ZNF91: variants seen among roughly 807,000 people sequenced by gnomAD.
The protein encoded by ZNF91 is zinc finger protein 91, also known as zinc finger protein 91 (HPF7, HTF10).
In ZNF91, 7 loss-of-function variants were observed where a neutral mutation model predicts 12.6. The observed-to-expected ratio is 0.55, with a 90% CI of 0.31 to 1.04. The LOEUF (loss-of-function observed/expected upper bound fraction) is 1.04. Among genes scored for constraint, ZNF91 ranks in the 50% least tolerant of loss-of-function variants. ZNF91 has a pLI of 0.05. For synonymous variants in ZNF91, 453 were observed against 462.6 expected (o/e 0.98, Z 0.27); for missense variants, 1,217 against 1,385.4 (o/e 0.88, Z 1.93).
intron 1 of ZNF91, among the ~76,000 whole-genome samples, chr19:23,329,901 C>G (rs1347212753): frequency 6.6e-6 from 1 of 152,182 alleles, no homozygotes; most frequent in Non-Finnish European, 1.5e-5. Flanking sequence ...AGGCATGCCT[C>G]AACTACTCAG....
rs541451304 is a variant in ZNF91 at position 23,395,442 on chromosome 19, G to C, written c.-88C>G. The C allele has an allele frequency of 1.8e-4, 267 of 1,516,678 alleles. 1 individual carries two copies. In the South Asian group the frequency reaches 2.0e-3, roughly 11 times the overall value. The allele number at this position is 1,516,678 out of a possible 1,614,324, so 94.0% of individuals were successfully genotyped here. A position where few individuals can be genotyped will look rare whatever the true frequency, so the allele number is the denominator to read the frequency against. On this transcript the variant is annotated 5_prime_UTR_variant, in exon 1 of 4. Transcript: ENST00000300619. ...AGAGGACACAGAGCAGTGAAGTCGA[G>C]ACCTGGAAACTCCGGCGGCAGCGAG... is the stretch of plus-strand genomic sequence containing the variant.
chr19:23,377,561 C>G (rs1969548816), intron 1 of ZNF91, among the ~76,000 whole-genome samples: 1 of 152,142 alleles, frequency 6.6e-6, no homozygotes, highest in African/African-American at 2.4e-5. Flanking sequence ...ATGTCACTCT[C>G]TCTGGTCTCA....
chr19:23,365,982 C>T (rs544484044), intron 3 of ZNF91, among the ~76,000 whole-genome samples: 1 of 152,254 alleles, frequency 6.6e-6, no homozygotes, highest in Non-Finnish European at 1.5e-5. Context: ...TACACAGACA[C>T]AGCAACCATC....
chr19:23,319,229 T>C (rs1479076616), intron 1 of ZNF91, among the ~76,000 whole-genome samples: 1 of 152,204 alleles, frequency 6.6e-6, no homozygotes, highest in African/African-American at 2.4e-5. Flanking sequence ...ACATAGGTAA[T>C]GTTACTCTTT....
chr19:23,392,197 A>G (rs979476772), intron 1 of ZNF91, among the ~76,000 whole-genome samples: 11 of 151,762 alleles, frequency 7.2e-5, no homozygotes, highest in Non-Finnish European at 1.6e-4. Context: ...GGAGTTCGAG[A>G]CCAGCCTGGC....
chr19:23,335,092 A>C (rs1208185802), downstream of ZNF91, among the ~76,000 whole-genome samples: 1 of 152,070 alleles, frequency 6.6e-6, no homozygotes, highest in Non-Finnish European at 1.5e-5. Context: ...CTGGAGGTCC[A>C]CTCCAGACTC....
At chr19:23,366,352 T>C (rs1251147627) in intron 3 of ZNF91, among the ~76,000 whole-genome samples, 1 of 152,210 alleles carries the variant, frequency 6.6e-6, no homozygotes, top group Non-Finnish European at 1.5e-5. Context: ...AGATCTTCTA[T>C]AGAATATTTA....
intron 3 of ZNF91, among the ~76,000 whole-genome samples, chr19:23,342,547 T>C (rs1968146141): frequency 6.6e-6 from 1 of 152,170 alleles, no homozygotes; most frequent in South Asian, 2.1e-4. Flanking sequence ...ATCATTAATC[T>C]AGAGTGAAGG....
chr19:23,359,610 T>C lies in ZNF91; in HGVS notation c.3369A>G (p.Lys1123=), dbSNP rs775192302. 2 of 1,614,018 alleles carry C rather than the reference T, an allele frequency of 1.2e-6. No individual in the cohort carries two copies. Among genetic ancestry groups the C allele is most frequent in the South Asian group, 1.1e-5 (1 of 91,060 alleles). ...KAFKESSALT[K]HKIIHTGEKP... is the part of the protein sequence containing the mutation. ...TCTCTCCAGTGTGAATTATCTTATG[T>C]TTAGTAAGAGCTGAGGACTCTTTAA... Residue 1123 remains lysine (K), a synonymous_variant, in exon 4 of 4, where the codon AAA becomes AAG. Coordinates refer to ENST00000300619, the MANE Select transcript of ZNF91 (RefSeq NM_003430.4).
At chr19:23,329,165 A>G (rs2145868157) in intron 1 of ZNF91, 1 of 152,274 alleles carries the variant, frequency 6.6e-6, no homozygotes, top group Admixed American at 6.5e-5. Flanking sequence ...CAAAGAAAAG[A>G]TTTCTTGTAG....
chr19:23,351,762 C>T lies in ZNF91; in HGVS notation c.254-12708G>A, dbSNP rs950232658. ...TAGACCCTCTGAAGGAAATAGACCG[C>T]TCCTGCAGGACCCGGGAGACACCCT... On this transcript the variant is annotated intron_variant, in intron 3 of 3. Coordinates refer to the ZNF91 transcript ENST00000599743. Among the ~76,000 whole-genome samples the T allele has an allele frequency of 3.9e-5, 6 of 152,208 alleles. No homozygotes were observed. The South Asian group carries it at 8.3e-4, about 21-fold the overall frequency.
intron 2 of ZNF91, chr19:23,308,189 G>T (rs1967423140): frequency 6.6e-6 from 1 of 152,094 alleles, no homozygotes; most frequent in Non-Finnish European, 1.5e-5. Flanking sequence ...CAGGTGGAAG[G>T]CTTCAGTCTG....
intron 1 of ZNF91, among the ~76,000 whole-genome samples, chr19:23,380,142 C>T (rs1267926920): frequency 6.6e-6 from 1 of 151,468 alleles, no homozygotes; most frequent in African/African-American, 2.4e-5. Context: ...CACCTGTAAT[C>T]CAAGCACTCA....
chr19:23,370,001 T>TAAAAAAAAAAAAAAAAGAAAAAAACAAA (rs1969207905), intron 3 of ZNF91, among the ~76,000 whole-genome samples: 1 of 107,922 alleles, frequency 9.3e-6, no homozygotes, highest in Non-Finnish European at 1.9e-5. Flanking sequence ...GAATGATCAA[T>TAAAAAAAAAAAAAAAAGAAAAAAACAAA]AAAAAAAAAA....
At chr19:23,384,722 T>C in intron 1 of ZNF91, 1 of 612,316 alleles carries the variant, frequency 1.6e-6, no homozygotes, top group Non-Finnish European at 3.0e-6. Context: ...AACAATGAGC[T>C]TTTACCTGGA....
At chr19:23,365,124 G>A (rs1968950629) in intron 3 of ZNF91, among the ~76,000 whole-genome samples, 1 of 151,258 alleles carries the variant, frequency 6.6e-6, no homozygotes, top group Non-Finnish European at 1.5e-5. Context: ...ATAATACAGA[G>A]ATTACTTGAA....
At chr19:23,342,384 C>T (rs1968142741) in intron 3 of ZNF91, 2 of 325,824 alleles carry the variant, frequency 6.1e-6, no homozygotes, top group Admixed American at 9.7e-5. Context: ...TTCCAAAATA[C>T]TGTTTTCTGA....
At chr19:23,335,725 C>T (rs554403066), downstream of ZNF91, among the ~76,000 whole-genome samples, 10 of 152,284 alleles carry the variant, frequency 6.6e-5, no homozygotes, top group South Asian at 2.1e-4. Flanking sequence ...CCATCTGTCA[C>T]GGCTTCCCTT....
Position 23,359,202 on chromosome 19 carries a change from G to C in ZNF91, c.*201C>G, listed in dbSNP as rs1438065565. 2.0e-6 allele frequency: 1 copy of C among 494,862 alleles called. No homozygotes were observed. The highest frequency in any genetic ancestry group is 4.2e-5 in the East Asian group (1 of 24,084). 30.7% of individuals were successfully genotyped at this position (494,862 alleles called of 1,614,324 possible). On this transcript the variant is annotated 3_prime_UTR_variant, in exon 4 of 4. Transcript: ENST00000300619. ...ATTTGCCACATTCTTTATATTTGTA[G>C]GGTTTCTCTCTAGTATGAATTTTCT...
Sources: gnomAD v4.1 joint callset for allele counts (sites outside exome capture counted in the v4.1 genomes callset) on GRCh38, gnomAD v4.1.1 for gene constraint, MANE v1.5 for transcripts, NCBI Gene and HGNC (gene_info 2026-07-23, HGNC 2026-07-21) for gene names.